The following KATNAL2 variants were observed in gnomAD, a reference collection of about 807,000 sequenced individuals.
KATNAL2 encodes katanin catalytic subunit A1 like 2, also known as katanin p60 ATPase-containing subunit A-like 2.
KATNAL2 carries 52 observed loss-of-function variants against 76.3 expected under a neutral mutation model. The observed-to-expected ratio is 0.68, with a 90% CI of 0.55 to 0.86. The LOEUF (loss-of-function observed/expected upper bound fraction) is 0.86. Among genes scored for constraint, KATNAL2 ranks in the 40% least tolerant of loss-of-function variants. The probability of loss-of-function intolerance (pLI) is 0.00; values close to 1 mark genes in which losing one functional copy is unlikely to be tolerated. For synonymous variants in KATNAL2, 243 were observed against 244.2 expected (o/e 1.00, Z 0.05); for missense variants, 660 against 668.9 (o/e 0.99, Z 0.15).
At chr18:47,094,314 C>T (rs1237217694) in intron 15 of KATNAL2, among the ~76,000 whole-genome samples, 1 of 152,170 alleles carries the variant, frequency 6.6e-6, no homozygotes, top group Non-Finnish European at 1.5e-5. Context: ...TACCCAGTCT[C>T]AGGTATTTTG....
Position 46,917,621 on chromosome 18 carries a change from C to T in KATNAL2, c.-815C>T. 5.5e-6 allele frequency: 5 copies of T among 915,244 alleles called. No individual in the cohort carries two copies. Among genetic ancestry groups the T allele is most frequent in the Non-Finnish European group, 6.6e-6 (5 of 760,348 alleles). 56.7% of individuals were successfully genotyped at this position (915,244 alleles called of 1,614,324 possible). On this transcript the variant is annotated 5_prime_UTR_variant, in exon 1 of 18. Coordinates refer to ENST00000683218, the MANE Select transcript of KATNAL2 (RefSeq NM_001387690.1). ...GCCTTCAGTCCGCGCGGCGACAGCG[C>T]CCGCCCGCGCCTGCCCCGGCGTGCT...
At chr18:46,922,424 C>A (rs2058595680) in intron 1 of KATNAL2, among the ~76,000 whole-genome samples, 1 of 151,802 alleles carries the variant, frequency 6.6e-6, no homozygotes, top group Non-Finnish European at 1.5e-5. Flanking sequence ...AAACCTTAAT[C>A]ACAAATTTGT....
chr18:47,091,615 G>A (rs985568612), intron 15 of KATNAL2, among the ~76,000 whole-genome samples: 1 of 152,172 alleles, frequency 6.6e-6, no homozygotes, highest in African/African-American at 2.4e-5. Context: ...AGGCCTGGCT[G>A]TCAGAGAGTT....
intron 1 of KATNAL2, chr18:46,920,227 C>A (rs1472724132): frequency 2.2e-6 from 1 of 462,552 alleles, no homozygotes; most frequent in Admixed American, 2.4e-5. Context: ...AGTATTAGAT[C>A]ACAACTGGGC....
intron 1 of KATNAL2, chr18:46,918,183 A>ATAGAAGGAAGC (rs1014207831): frequency 6.6e-6 from 1 of 152,192 alleles, no homozygotes; most frequent in African/African-American, 2.4e-5. Flanking sequence ...GAGTAAGTAG[A>ATAGAAGGAAGC]TAGAAGGAAG....
intron 15 of KATNAL2, chr18:47,098,930 A>G: frequency 4.3e-6 from 1 of 230,824 alleles, no homozygotes; most frequent in South Asian, 1.1e-4. Flanking sequence ...ATTAAGTCGC[A>G]TAAAATTACT....
intron 3 of KATNAL2, among the ~76,000 whole-genome samples, chr18:47,044,623 T>C (rs2061088077): frequency 6.6e-6 from 1 of 151,778 alleles, no homozygotes; most frequent in Non-Finnish European, 1.5e-5. Context: ...TAGCCGGGTG[T>C]GGTAGCGGGC....
chr18:46,925,293 T>C (rs1052430268), intron 1 of KATNAL2, among the ~76,000 whole-genome samples: 10 of 152,054 alleles, frequency 6.6e-5, no homozygotes. Flanking sequence ...TAGCATGAAG[T>C]GTTGTTGAAT....
chr18:47,054,875 G>C (rs1599684231), intron 6 of KATNAL2, among the ~76,000 whole-genome samples: 1 of 152,224 alleles, frequency 6.6e-6, no homozygotes, highest in Non-Finnish European at 1.5e-5. Context: ...GTCCTGACCT[G>C]TCTGAAGATC....
chr18:47,071,515 A>T (rs368668818), intron 13 of KATNAL2, among the ~76,000 whole-genome samples: 8 of 151,458 alleles, frequency 5.3e-5, no homozygotes, highest in South Asian at 2.1e-4. Flanking sequence ...TTTTTTTTTT[A>T]AATATCATTT....
At chr18:46,953,959 G>A (rs1483780124) in intron 3 of KATNAL2, among the ~76,000 whole-genome samples, 1 of 152,056 alleles carries the variant, frequency 6.6e-6, no homozygotes, top group Non-Finnish European at 1.5e-5. Flanking sequence ...CAGGGAATAA[G>A]GGCAAAATAA....
intron 3 of KATNAL2, among the ~76,000 whole-genome samples, chr18:46,957,841 C>T (rs2059810592): frequency 6.6e-6 from 1 of 152,002 alleles, no homozygotes; most frequent in Non-Finnish European, 1.5e-5. Context: ...AGAATACAGG[C>T]GTGAGCCACC....
chr18:46,931,885 G>A (rs1016466200), intron 1 of KATNAL2, among the ~76,000 whole-genome samples: 2 of 151,742 alleles, frequency 1.3e-5, no homozygotes, highest in Admixed American at 1.3e-4. Flanking sequence ...TCTCTAGCAA[G>A]AATTTTCTTT....
chr18:47,043,588 G>A (rs1305039524), intron 3 of KATNAL2, among the ~76,000 whole-genome samples: 3 of 152,134 alleles, frequency 2.0e-5, no homozygotes, highest in African/African-American at 7.2e-5. Flanking sequence ...GCAAGAAAAT[G>A]TCAAAGGGAA....
Position 47,084,067 on chromosome 18 carries a change from T to G in KATNAL2, c.1211+6606T>G, listed in dbSNP as rs190290617. On this transcript the variant is annotated intron_variant, in intron 15 of 17. Coordinates refer to ENST00000683218, the MANE Select transcript of KATNAL2 (RefSeq NM_001387690.1). Reference sequence around the variant, plus strand: ...GATCCAAGAGATGGAATAAAATGGTTCTGATTCACTTGCAGGGGAAATCAG... The same window carrying G: ...GATCCAAGAGATGGAATAAAATGGTGCTGATTCACTTGCAGGGGAAATCAG... 9.2e-5 allele frequency among the ~76,000 whole-genome samples: 14 copies of G among 152,364 alleles called. No individual in the cohort carries two copies. The East Asian group carries it at 2.7e-3, about 29-fold the overall frequency.
intron 12 of KATNAL2, 58 bp from the exon 13 acceptor site, chr18:47,069,424 C>A: frequency 7.0e-7 from 1 of 1,435,676 alleles, no homozygotes; most frequent in Non-Finnish European, 9.7e-7. Flanking sequence ...TGACTTCTGT[C>A]TATAAGCAGG....
At chr18:47,059,113 C>T (rs12955429) in intron 7 of KATNAL2, among the ~76,000 whole-genome samples, 61,050 of 152,120 alleles carry the variant, frequency 0.4, 12,292 homozygotes, top group Admixed American at 0.51. Flanking sequence ...GGAGGTCCTA[C>T]GGTTCTGGCC....
intron 3 of KATNAL2, among the ~76,000 whole-genome samples, chr18:47,045,464 T>C (rs901310954): frequency 1.3e-5 from 2 of 152,040 alleles, no homozygotes; most frequent in Non-Finnish European, 2.9e-5. Flanking sequence ...TAGCTGGGAT[T>C]ACAGGTGCCT....
chr18:47,042,600 G>A (rs1243456176), intron 3 of KATNAL2, among the ~76,000 whole-genome samples: 1 of 151,976 alleles, frequency 6.6e-6, no homozygotes, highest in Non-Finnish European at 1.5e-5. Context: ...ATAAGAAGAA[G>A]CTCCTGGAAA....
Sources: allele counts gnomAD v4.1 joint callset (sites outside exome capture counted in the v4.1 genomes callset), GRCh38; gene constraint gnomAD v4.1.1; transcripts MANE v1.5; gene names NCBI Gene and HGNC (gene_info 2026-07-23, HGNC 2026-07-21).